RANBP2: variants seen among roughly 807,000 people sequenced by gnomAD.
RANBP2 encodes E3 SUMO-protein ligase RanBP2.
Under a neutral mutation model 303.6 loss-of-function variants are expected in RANBP2, and 57 were observed. The ratio of observed to expected loss-of-function variants is 0.19; its 90% CI spans 0.15 to 0.23. RANBP2 has a LOEUF of 0.23. RANBP2 is among the 10% of genes least tolerant of loss of function. The pLI, the probability that RANBP2 is intolerant of heterozygous loss-of-function variation, is 1.00. For missense variants in RANBP2, 3,138 were observed against 3,780.8 expected, an observed-to-expected ratio of 0.83 and a Z score of 4.46; for synonymous variants, 1,167 against 1,301.5, an observed-to-expected ratio of 0.90 and a Z score of 2.23.
the RANBP2 span, among the ~76,000 whole-genome samples, chr2:109,573,696 C>T: frequency 2.0e-5 from 3 of 152,286 alleles, no homozygotes; most frequent in South Asian, 4.1e-4. Context: ...ATTTCGCATA[C>T]CATTTGAGAT....
chr2:109,060,148 G>A, the RANBP2 span, among the ~76,000 whole-genome samples: 2 of 152,086 alleles, frequency 1.3e-5, no homozygotes, highest in Non-Finnish European at 2.9e-5. Flanking sequence ...TTTGCAGTGA[G>A]CCAAGATCGC....
the RANBP2 span, among the ~76,000 whole-genome samples, chr2:109,103,657 G>A: frequency 2.0e-5 from 3 of 152,176 alleles, no homozygotes; most frequent in Admixed American, 6.5e-5. Context: ...GGTGAACTCC[G>A]TTAGAGGCAA....
At chr2:108,740,894 C>T (rs1696028995) in intron 7 of RANBP2, among the ~76,000 whole-genome samples, 1 of 151,632 alleles carries the variant, frequency 6.6e-6, no homozygotes, top group East Asian at 1.9e-4. Context: ...TGTTGAAAGC[C>T]TGCATTGCCA....
Position 108,768,161 on chromosome 2 carries a change from C to T in RANBP2, c.7622C>T (p.Thr2541Ile), listed in dbSNP as rs756832332. 6.2e-7 allele frequency: 1 copy of T among 1,612,028 alleles called. No homozygotes were observed. Among genetic ancestry groups the T allele is most frequent in the Non-Finnish European group, 8.5e-7 (1 of 1,179,864 alleles). Reference protein sequence around the residue: ...KPFAFGNSSATGSLFGFSFNA... With the variant: ...KPFAFGNSSAIGSLFGFSFNA... ...TTTGCATTCGGCAACAGTTCAGCCACTGGGTCTTTGTTTGGATTTAGTTTT... is the reference window on the plus strand; with the variant it reads ...TTTGCATTCGGCAACAGTTCAGCCATTGGGTCTTTGTTTGGATTTAGTTTT... Residue 2541 changes from threonine (T) to isoleucine (I), a missense_variant, in exon 20 of 29, where the codon ACT becomes ATT. Thr to Ile is a moderately conservative substitution (Grantham distance 89). Around this residue, in one of 20 missense-constraint regions of RANBP2, gnomAD observed 497 missense variants for 465.8 expected, o/e 1.07. Transcript: ENST00000283195.
chr2:109,155,696 A>G, the RANBP2 span, among the ~76,000 whole-genome samples: 6 of 152,300 alleles, frequency 3.9e-5, no homozygotes, highest in East Asian at 1.2e-3. Context: ...CACTGTTCCC[A>G]TGGGAACTTT....
the RANBP2 span, among the ~76,000 whole-genome samples, chr2:109,681,119 C>A: frequency 6.6e-6 from 1 of 152,170 alleles, no homozygotes; most frequent in Non-Finnish European, 1.5e-5. Flanking sequence ...GCAGTCTTCT[C>A]GATGCGGAGG....
rs1193146457 is a variant in RANBP2, at chr2:108,731,402, T to C, written c.333T>C (p.Asp111=). The change falls in exon 4 of 29, where the codon GAT becomes GAC. Residue 111 remains aspartate (D), a synonymous_variant. Coordinates refer to ENST00000283195, the MANE Select transcript of RANBP2 (RefSeq NM_006267.5). Reference sequence around the variant, plus strand: ...TGCTTTGTAAAAATGATGTTACTGATGGAAGAGCAAAATACTGGCTTGAAA... The same window carrying C: ...TGCTTTGTAAAAATGATGTTACTGACGGAAGAGCAAAATACTGGCTTGAAA... ...AELLCKNDVT[D]GRAKYWLERA... is the part of the protein sequence containing the mutation. 2 of 1,611,570 alleles carry C rather than the reference T, an allele frequency of 1.2e-6. No individual in the cohort carries two copies. Among genetic ancestry groups the C allele is most frequent in the Admixed American group, 1.7e-5 (1 of 59,994 alleles).
the RANBP2 span, among the ~76,000 whole-genome samples, chr2:108,902,713 G>A: frequency 6.6e-6 from 1 of 152,216 alleles, no homozygotes; most frequent in Admixed American, 6.5e-5. Flanking sequence ...AGGGAGGCAA[G>A]GCTGGTTCAA....
chr2:109,622,129 G>T, the RANBP2 span, among the ~76,000 whole-genome samples: 1 of 152,094 alleles, frequency 6.6e-6, no homozygotes. Context: ...TTTATAAAAA[G>T]CAAGCTGTTT....
At chr2:109,305,273 G>C in the RANBP2 span, among the ~76,000 whole-genome samples, 1 of 152,130 alleles carries the variant, frequency 6.6e-6, no homozygotes, top group Non-Finnish European at 1.5e-5. Context: ...ATTCATTCCA[G>C]ACTGGAGGCG....
chr2:109,004,944 A>G, the RANBP2 span, among the ~76,000 whole-genome samples: 8 of 152,142 alleles, frequency 5.3e-5, no homozygotes, highest in African/African-American at 1.4e-4. Flanking sequence ...CCACGCTATC[A>G]CTAATTCTCA....
chr2:109,006,777 C>T, the RANBP2 span, among the ~76,000 whole-genome samples: 2 of 152,194 alleles, frequency 1.3e-5, no homozygotes, highest in African/African-American at 4.8e-5. Context: ...CCAGGCACTG[C>T]CCGTCCTCCA....
chr2:109,721,527 T>C, the RANBP2 span, among the ~76,000 whole-genome samples: 8 of 152,118 alleles, frequency 5.3e-5, no homozygotes, highest in South Asian at 1.7e-3. Context: ...CTTTTACTAG[T>C]CCATTTAAGG....
At chr2:109,453,853 C>T in the RANBP2 span, among the ~76,000 whole-genome samples, 3 of 152,136 alleles carry the variant, frequency 2.0e-5, no homozygotes, top group Non-Finnish European at 4.4e-5. Flanking sequence ...TCCCGGGGCA[C>T]AGATGGGAGG....
the RANBP2 span, among the ~76,000 whole-genome samples, chr2:109,699,568 G>A: frequency 6.6e-6 from 1 of 152,124 alleles, no homozygotes; most frequent in Non-Finnish European, 1.5e-5. Context: ...ATAAGGAAGA[G>A]AAAATATATT....
At chr2:109,107,353 G>A in the RANBP2 span, among the ~76,000 whole-genome samples, 2 of 152,060 alleles carry the variant, frequency 1.3e-5, no homozygotes, top group African/African-American at 4.8e-5. Flanking sequence ...ACTGAGGAGA[G>A]TTGACAGAGG....
chr2:109,303,997 A>C, the RANBP2 span, among the ~76,000 whole-genome samples: 2 of 152,064 alleles, frequency 1.3e-5, no homozygotes, highest in African/African-American at 2.4e-5. Context: ...GCTACTTCAG[A>C]GGCTGAGGCA....
At chr2:109,347,951 TA>T in the RANBP2 span, 1 of 1,596,078 alleles carries the variant, frequency 6.3e-7, no homozygotes, top group Admixed American at 1.7e-5. Flanking sequence ...TTCACCAAGG[TA>T]AGGTGAGCCC....
the RANBP2 span, among the ~76,000 whole-genome samples, chr2:109,188,843 T>C: frequency 6.6e-6 from 1 of 152,186 alleles, no homozygotes; most frequent in Non-Finnish European, 1.5e-5. Flanking sequence ...GGTGCTTCTC[T>C]CTGTGCAGTT....
Sources: gnomAD v4.1 joint callset for allele counts (sites outside exome capture counted in the v4.1 genomes callset) on GRCh38, gnomAD v4.1.1 for gene constraint, gnomAD v4.1.1 regional missense constraint, MANE v1.5 for transcripts, NCBI Gene and HGNC (gene_info 2026-07-23, HGNC 2026-07-21) for gene names.